The following LRRC8B variants were observed in gnomAD, a reference collection of about 807,000 sequenced individuals.
The protein encoded by LRRC8B is leucine rich repeat containing 8 VRAC subunit B, also known as volume-regulated anion channel subunit LRRC8B.
LRRC8B carries 23 observed loss-of-function variants against 58.8 expected under a neutral mutation model. The ratio of observed to expected loss-of-function variants is 0.39; its 90% CI spans 0.28 to 0.55. LRRC8B has a LOEUF of 0.55. Ranked by LOEUF, LRRC8B falls within the 20% of genes least tolerant of loss-of-function variation. LRRC8B has a pLI of 0.62. For missense variants in LRRC8B, 694 were observed against 936.0 expected (o/e 0.74, Z 3.37); for synonymous variants, 359 against 374.1 (o/e 0.96, Z 0.47).
At chr1:89,581,226 G>A (rs1654200422) in intron 4 of LRRC8B, among the ~76,000 whole-genome samples, 1 of 146,294 alleles carries the variant, frequency 6.8e-6, no homozygotes, top group Admixed American at 7.1e-5. Context: ...TTGGACCCAG[G>A]AGGTGGAGGT....
rs1037301178 is a variant in LRRC8B, at chr1:89,594,916, T to C, written c.*1873T>C. 1.8e-4 allele frequency: 27 copies of C among 152,148 alleles called. No homozygotes were observed. Among genetic ancestry groups the C allele is most frequent in the African/African-American group, 6.5e-4 (27 of 41,438 alleles). The allele number at this position is 152,148 out of a possible 1,614,324, so 9.4% of individuals were successfully genotyped here. A position where few individuals can be genotyped will look rare whatever the true frequency, so the allele number is the denominator to read the frequency against. On this transcript the variant is annotated 3_prime_UTR_variant, in exon 6 of 6. Coordinates refer to ENST00000330947, the MANE Select transcript of LRRC8B (RefSeq NM_001369817.2). ...CAGTACTGTGTATATGGAATTGTGG[T>C]GCGTGGTATGTGTTTTCTCTTGCTT...
rs1205095501 is a variant in LRRC8B at position 89,596,214 on chromosome 1, T to C, written c.*3171T>C. 5.3e-5 allele frequency: 8 copies of C among 152,248 alleles called. No individual in the cohort carries two copies. Among genetic ancestry groups the C allele is most frequent in the Non-Finnish European group, 1.0e-4 (7 of 67,964 alleles). 9.4% of individuals were successfully genotyped at this position (152,248 alleles called of 1,614,324 possible). Reference sequence around the variant, plus strand: ...CTGAGAACCTAAGTGTTTTTGAGCATTCCAGTAAAGGAGTAGTGTTCTTTT... The same window carrying C: ...CTGAGAACCTAAGTGTTTTTGAGCACTCCAGTAAAGGAGTAGTGTTCTTTT... On this transcript the variant is annotated 3_prime_UTR_variant, in exon 6 of 6. Coordinates refer to ENST00000330947, the MANE Select transcript of LRRC8B (RefSeq NM_001369817.2).
intron 1 of LRRC8B, among the ~76,000 whole-genome samples, chr1:89,535,099 A>C (rs1169451738): frequency 6.6e-6 from 1 of 152,088 alleles, no homozygotes; most frequent in African/African-American, 2.4e-5. Context: ...GGGGAAAAAG[A>C]ATATGGCTGG....
intron 1 of LRRC8B, among the ~76,000 whole-genome samples, chr1:89,534,704 A>G (rs931635623): frequency 6.6e-5 from 10 of 152,228 alleles, no homozygotes; most frequent in African/African-American, 2.4e-4. Context: ...TGCTTAAGAA[A>G]TCTTGCCATA....
chr1:89,566,079 G>T (rs1325857130), intron 1 of LRRC8B, among the ~76,000 whole-genome samples: 1 of 152,056 alleles, frequency 6.6e-6, no homozygotes, highest in Non-Finnish European at 1.5e-5. Flanking sequence ...GAATCCATAC[G>T]TAGTAGCTGC....
In LRRC8B at chr1:89,562,778, A is replaced by G. The variant is rs1327725619; in HGVS notation, c.-240-5469A>G. On this transcript the variant is annotated intron_variant, in intron 1 of 5. Transcript: ENST00000330947. ...AGCCACCTTGCCTGACCATATTGCTATTTAGTAAAGAAGACCTAAACATTT... is the reference window on the plus strand; with the variant it reads ...AGCCACCTTGCCTGACCATATTGCTGTTTAGTAAAGAAGACCTAAACATTT... Among the ~76,000 whole-genome samples the G allele has an allele frequency of 3.3e-5, 5 of 152,134 alleles. No individual in the cohort carries two copies. In the East Asian group the frequency reaches 7.7e-4, roughly 23 times the overall value.
chr1:89,534,514 T>TACACAC (rs71312000), intron 1 of LRRC8B, among the ~76,000 whole-genome samples: 1,505 of 149,196 alleles, frequency 0.01, 22 homozygotes, highest in African/African-American at 0.034. Context: ...TTTTGTGACA[T>TACACAC]ACACACACAC....
chr1:89,564,062 T>C (rs1652866042), intron 1 of LRRC8B, among the ~76,000 whole-genome samples: 1 of 152,310 alleles, frequency 6.6e-6, no homozygotes, highest in South Asian at 2.1e-4. Flanking sequence ...TTTAACCACA[T>C]TGTAATCGGT....
chr1:89,534,556 T>C (rs1309164970), intron 1 of LRRC8B, among the ~76,000 whole-genome samples: 2 of 151,958 alleles, frequency 1.3e-5, no homozygotes, highest in Non-Finnish European at 2.9e-5. Flanking sequence ...ATACTTGTTT[T>C]TTAAAAAGTG....
intron 3 of LRRC8B, among the ~76,000 whole-genome samples, chr1:89,577,611 C>T (rs1396498079): frequency 6.6e-6 from 1 of 152,150 alleles, no homozygotes; most frequent in Non-Finnish European, 1.5e-5. Context: ...CTTAAACTCT[C>T]TAGTTAAGCA....
At position 89,583,089 on chromosome 1, in the gene LRRC8B, T is replaced by C; in HGVS notation, c.439T>C (p.Ser147Pro). 1 of 1,614,160 alleles carries C rather than the reference T, an allele frequency of 6.2e-7. No individual in the cohort carries two copies. ...TTGGCTTCACTACCCCAGTACCAGTTCCAGGCTCGAGCATTTTGTGGCCAT... is the reference window on the plus strand; with the variant it reads ...TTGGCTTCACTACCCCAGTACCAGTCCCAGGCTCGAGCATTTTGTGGCCAT... ...NFWLHYPSTS[S>P]RLEHFVAILH... Residue 147 changes from serine (S) to proline (P), a missense_variant, in exon 5 of 6, where the codon TCC becomes CCC. Physicochemically the swap from Ser to Pro is moderately conservative, Grantham distance 74. This residue lies in a region of LRRC8B where 316 missense variants were observed against 403.8 expected (regional missense o/e 0.78). Transcript: ENST00000330947. This position sits in a 1 kb window ranked among gnomAD's most constrained non-coding sequence, Gnocchi z 5.2.
At chr1:89,541,477 C>T (rs1175168603) in intron 1 of LRRC8B, among the ~76,000 whole-genome samples, 4 of 151,548 alleles carry the variant, frequency 2.6e-5, no homozygotes, top group African/African-American at 4.8e-5. Context: ...TTTGGGAGGC[C>T]GAGGCGGGCG....
In LRRC8B at chr1:89,583,245, A is replaced by G. The variant is rs547586152; in HGVS notation, c.595A>G (p.Ile199Val). 6.2e-7 allele frequency: 1 copy of G among 1,614,208 alleles called. No individual in the cohort carries two copies. Among genetic ancestry groups the G allele is most frequent in the Admixed American group, 1.7e-5 (1 of 60,024 alleles). Reference protein sequence around the residue: ...LLSSSGCSADIDSGKQSLPYP... With the variant: ...LLSSSGCSADVDSGKQSLPYP... ...TTCGTCCTCAGGGTGTTCAGCTGACATAGATTCCGGCAAACAGTCATTGCC... is the reference window on the plus strand; with the variant it reads ...TTCGTCCTCAGGGTGTTCAGCTGACGTAGATTCCGGCAAACAGTCATTGCC... Residue 199 changes from isoleucine to valine, a missense_variant, in exon 5 of 6, where the codon ATA becomes GTA. By Grantham distance (29) the Ile-to-Val change is conservative. Coordinates refer to ENST00000330947, the MANE Select transcript of LRRC8B (RefSeq NM_001369817.2). This position sits in a 1 kb window ranked among gnomAD's most constrained non-coding sequence, Gnocchi z 5.2.
At chr1:89,559,403 G>C (rs2100949316) in intron 1 of LRRC8B, among the ~76,000 whole-genome samples, 1 of 152,132 alleles carries the variant, frequency 6.6e-6, no homozygotes, top group South Asian at 2.1e-4. Flanking sequence ...CCAGCACTTT[G>C]GGAGGCCGAG....
Position 89,593,079 on chromosome 1 carries a change from T to C in LRRC8B, c.*36T>C, listed in dbSNP as rs1655094717. 3 of 1,600,284 alleles carry C rather than the reference T, an allele frequency of 1.9e-6. No homozygotes were observed. Among genetic ancestry groups the C allele is most frequent in the Admixed American group, 3.4e-5 (2 of 58,896 alleles). ...AGAGACCCGTGTTTCAAAATCATTT[T>C]TAAAAGTATGCTCGGCCGGGCGTGG... On this transcript the variant is annotated 3_prime_UTR_variant, in exon 6 of 6. Coordinates refer to ENST00000330947, the MANE Select transcript of LRRC8B (RefSeq NM_001369817.2).
chr1:89,571,495 A>G (rs762319019), intron 3 of LRRC8B, among the ~76,000 whole-genome samples: 3 of 152,120 alleles, frequency 2.0e-5, no homozygotes, highest in Non-Finnish European at 4.4e-5. Context: ...TTGGCTCTCA[A>G]CGTGACTGTT....
intron 3 of LRRC8B, among the ~76,000 whole-genome samples, chr1:89,574,032 C>T (rs886539827): frequency 6.6e-5 from 10 of 152,184 alleles, no homozygotes; most frequent in African/African-American, 2.4e-4. Context: ...GTGCTTGAAA[C>T]ATTCCTCTTA....
At position 89,594,053 on chromosome 1, in the gene LRRC8B, T is replaced by G. The variant is rs1417412162; in HGVS notation, c.*1010T>G. ...TTAATGTATTCCCTAAAATTTCTTC[T>G]TGTCTATCATCAAGGCCTTTTTTTA... On this transcript the variant is annotated 3_prime_UTR_variant, in exon 6 of 6. Coordinates refer to ENST00000330947, the MANE Select transcript of LRRC8B (RefSeq NM_001369817.2). 6.6e-6 allele frequency: 1 copy of G among 152,218 alleles called. No individual in the cohort carries two copies. Among genetic ancestry groups the G allele is most frequent in the Non-Finnish European group, 1.5e-5 (1 of 68,040 alleles). The allele number at this position is 152,218 out of a possible 1,614,324, so 9.4% of individuals were successfully genotyped here. A position where few individuals can be genotyped will look rare whatever the true frequency, so the allele number is the denominator to read the frequency against.
At chr1:89,580,756 T>C (rs1190143674) in intron 4 of LRRC8B, among the ~76,000 whole-genome samples, 2 of 152,124 alleles carry the variant, frequency 1.3e-5, no homozygotes, top group East Asian at 3.9e-4. Flanking sequence ...GGTGAATCCA[T>C]ATAATATTAT....
Sources: gnomAD v4.1 joint callset for allele counts (sites outside exome capture counted in the v4.1 genomes callset) on GRCh38, gnomAD v4.1.1 for gene constraint, gnomAD v4.1.1 regional missense constraint, Gnocchi (gnomAD v3.1) non-coding constraint, MANE v1.5 for transcripts, NCBI Gene and HGNC (gene_info 2026-07-23, HGNC 2026-07-21) for gene names.